Variants in COL5A2 observed in about 807,000 individuals in gnomAD.
The protein encoded by COL5A2 is collagen type V alpha 2 chain.
Under a neutral mutation model 208.2 loss-of-function variants are expected in COL5A2, and 23 were observed. The ratio of observed to expected loss-of-function variants is 0.11; its 90% CI spans 0.08 to 0.16. The LOEUF (loss-of-function observed/expected upper bound fraction) is 0.16, where lower values mean the gene tolerates loss of function less well. Ranked by LOEUF, COL5A2 falls within the 10% of genes least tolerant of loss-of-function variation. COL5A2 has a pLI of 1.00. For synonymous variants in COL5A2, 625 were observed against 628.5 expected (o/e 0.99, Z 0.08); for missense variants, 1,590 against 1,956.4 (o/e 0.81, Z 3.53).
At chr2:189,077,994 C>A (rs544713323) in intron 16 of COL5A2, among the ~76,000 whole-genome samples, 1 of 152,258 alleles carries the variant, frequency 6.6e-6, no homozygotes, top group South Asian at 2.1e-4. Flanking sequence ...GTTCAAGTTA[C>A]ATAAATAGTC....
the COL5A2 span, among the ~76,000 whole-genome samples, chr2:189,268,991 G>A: frequency 6.6e-6 from 1 of 152,054 alleles, no homozygotes; most frequent in African/African-American, 2.4e-5. Context: ...CCAAAACTGA[G>A]CCTTATCTTA....
chr2:189,427,832 C>T, the COL5A2 span, among the ~76,000 whole-genome samples: 5 of 152,172 alleles, frequency 3.3e-5, no homozygotes, highest in East Asian at 1.9e-4. Context: ...ATTTCTCCCT[C>T]GGAATAGAAG....
the COL5A2 span, among the ~76,000 whole-genome samples, chr2:189,330,223 T>C: frequency 8.0e-4 from 122 of 152,206 alleles, 1 homozygote; most frequent in African/African-American, 2.8e-3. Context: ...TTTGACCAAG[T>C]ACACTTCAAA....
chr2:189,228,611 TAAAG>T (rs1273690448), upstream of COL5A2, among the ~76,000 whole-genome samples: 2 of 151,568 alleles, frequency 1.3e-5, no homozygotes, highest in African/African-American at 4.8e-5. Flanking sequence ...AACTGGATCA[TAAAG>T]AAACAGAAAA....
At chr2:189,307,216 A>T in the COL5A2 span, among the ~76,000 whole-genome samples, 5,605 of 152,184 alleles carry the variant, frequency 0.037, 117 homozygotes, top group Admixed American at 0.05. Context: ...TTTACACTTA[A>T]ATTTTAATGT....
At chr2:189,066,325 G>A (rs1686147154) in intron 23 of COL5A2, 65 bp downstream of exon 23, 3 of 1,418,208 alleles carry the variant, frequency 2.1e-6, no homozygotes, top group Non-Finnish European at 3.0e-6. Flanking sequence ...TTTCCTTACT[G>A]TTCTCAGACT....
At chr2:189,157,367 G>T (rs1001835028) in intron 1 of COL5A2, among the ~76,000 whole-genome samples, 1 of 151,704 alleles carries the variant, frequency 6.6e-6, no homozygotes, top group African/African-American at 2.4e-5. Context: ...AGGCAAAAAA[G>T]AAAAGAGTGG....
the COL5A2 span, among the ~76,000 whole-genome samples, chr2:189,324,065 A>C: frequency 6.6e-6 from 1 of 152,252 alleles, no homozygotes; most frequent in Non-Finnish European, 1.5e-5. Flanking sequence ...AAAACAAGAA[A>C]TGGGCAAAGG....
the COL5A2 span, among the ~76,000 whole-genome samples, chr2:189,369,147 A>G: frequency 2.7e-3 from 416 of 152,298 alleles, no homozygotes; most frequent in African/African-American, 9.5e-3. Flanking sequence ...AACTAACTGG[A>G]AGAAGAAAGT....
intron 1 of COL5A2, among the ~76,000 whole-genome samples, chr2:189,174,761 G>A (rs1236893719): frequency 6.6e-6 from 1 of 152,094 alleles, no homozygotes; most frequent in Non-Finnish European, 1.5e-5. Context: ...ATGACCCTAC[G>A]AGTCATGGTC....
rs545534139 is a variant in COL5A2, at chr2:189,045,174, C to T, written c.3363+5G>A. On this transcript the variant is annotated splice_donor_5th_base_variant and intron_variant, in intron 47 of 53. Coordinates refer to ENST00000374866, the MANE Select transcript of COL5A2 (RefSeq NM_000393.5). ...TTTTTTAAAAAACAAAAAAAGAGAA[C>T]TTACAGGTAATCCACGTTTCCCAGC... The T allele has an allele frequency of 7.5e-6, 12 of 1,597,818 alleles. No individual in the cohort carries two copies. In the East Asian group the frequency reaches 1.1e-4, roughly 15 times the overall value.
At chr2:189,216,665 A>C (rs1689282813) in intron 1 of COL5A2, among the ~76,000 whole-genome samples, 1 of 152,120 alleles carries the variant, frequency 6.6e-6, no homozygotes, top group East Asian at 1.9e-4. Flanking sequence ...GAGTCAAGCA[A>C]ATCACAATTC....
intron 14 of COL5A2, 31 bp from the exon 15 acceptor site, chr2:189,079,138 G>A: frequency 6.4e-7 from 1 of 1,567,594 alleles, no homozygotes; most frequent in South Asian, 1.1e-5. Context: ...ATTACAGTAT[G>A]AGAAGCCTAC....
chr2:189,417,469 A>G, the COL5A2 span, among the ~76,000 whole-genome samples: 2 of 150,882 alleles, frequency 1.3e-5, no homozygotes, highest in Non-Finnish European at 3.0e-5. Context: ...TGACTATTCC[A>G]TGGCTTTCAT....
Position 189,208,101 on chromosome 2 carries a change from C to A in COL5A2, c.-42+17047G>T, listed in dbSNP as rs975686182. On this transcript the variant is annotated intron_variant, in intron 1 of 10. Transcript: ENST00000649966. ...CATTTATGCAACAATCCTCTCAACTCCCCTCTTAAATGTTCAAAGGGATAT... is the reference window on the plus strand; with the variant it reads ...CATTTATGCAACAATCCTCTCAACTACCCTCTTAAATGTTCAAAGGGATAT... 3.3e-5 allele frequency among the ~76,000 whole-genome samples: 5 copies of A among 152,142 alleles called. No individual in the cohort carries two copies. In the East Asian group the frequency reaches 9.6e-4, roughly 29 times the overall value.
intron 12 of COL5A2, among the ~76,000 whole-genome samples, chr2:189,083,377 G>A (rs1039756572): frequency 6.6e-6 from 1 of 152,046 alleles, no homozygotes; most frequent in Non-Finnish European, 1.5e-5. Context: ...GGAGCCAAAG[G>A]GGAAGAAAAC....
the COL5A2 span, among the ~76,000 whole-genome samples, chr2:189,257,920 C>T: frequency 6.6e-6 from 1 of 152,100 alleles, no homozygotes; most frequent in South Asian, 2.1e-4. Context: ...CGAGACTGTC[C>T]TGGCTAACAC....
At chr2:189,153,828 G>T (rs1688192762) in intron 1 of COL5A2, among the ~76,000 whole-genome samples, 1 of 152,002 alleles carries the variant, frequency 6.6e-6, no homozygotes, top group South Asian at 2.1e-4. Context: ...GTTTTCTGTA[G>T]CAGTTGCCAA....
chr2:189,323,372 A>G, the COL5A2 span, among the ~76,000 whole-genome samples: 1 of 152,322 alleles, frequency 6.6e-6, no homozygotes, highest in East Asian at 1.9e-4. Flanking sequence ...GAAAAGAGGA[A>G]GTCAAATTGT....
Sources: gnomAD v4.1 joint callset for allele counts (sites outside exome capture counted in the v4.1 genomes callset) on GRCh38, gnomAD v4.1.1 for gene constraint, MANE v1.5 for transcripts, NCBI Gene and HGNC (gene_info 2026-07-23, HGNC 2026-07-21) for gene names.